Variants in SH3KBP1 observed in about 807,000 individuals in gnomAD.
SH3KBP1 encodes the protein SH3 domain containing kinase binding protein 1.
A neutral mutation model predicts 50.1 loss-of-function variants in SH3KBP1; 8 were observed. The ratio of observed to expected loss-of-function variants is 0.16; its 90% confidence interval spans 0.09 to 0.29. The LOEUF is 0.29. Ranked by LOEUF, SH3KBP1 falls within the 10% of genes least tolerant of loss-of-function variation. SH3KBP1 has a pLI of 1.00. For synonymous variants in SH3KBP1, 227 were observed against 218.6 expected (o/e 1.04, Z -0.34); for missense variants, 377 against 535.2 (o/e 0.70, Z 2.92).
chrX:19,769,075 A>ATT (rs36059368), intron 2 of SH3KBP1, among the ~76,000 whole-genome samples: 1,894 of 81,092 alleles, frequency 0.023, 96 homozygotes, highest in African/African-American at 0.086. Flanking sequence ...CTGCGTTATA[A>ATT]TTTTTTTTTT....
chrX:19,557,919 T>G (rs1397498237), intron 13 of SH3KBP1, among the ~76,000 whole-genome samples: 1 of 112,019 alleles, frequency 8.9e-6, no homozygotes, highest in Non-Finnish European at 1.9e-5. Context: ...AATGATAGCA[T>G]GGGGACCCAA....
intron 12 of SH3KBP1, among the ~76,000 whole-genome samples, chrX:19,585,115 C>T (rs758452629): frequency 8.9e-6 from 1 of 112,161 alleles, no homozygotes; most frequent in East Asian, 2.8e-4. Context: ...CATTAAGTAC[C>T]AAGGAACAAT....
intron 6 of SH3KBP1, among the ~76,000 whole-genome samples, chrX:19,666,889 G>T (rs768284677): frequency 1.8e-5 from 2 of 111,907 alleles, no homozygotes; most frequent in East Asian, 5.6e-4. Flanking sequence ...AACAAGTATT[G>T]GTATGCCAAT....
intron 8 of SH3KBP1, among the ~76,000 whole-genome samples, chrX:19,620,764 G>C (rs1364408128): frequency 1.8e-5 from 2 of 112,326 alleles, no homozygotes; most frequent in Non-Finnish European, 3.8e-5. Flanking sequence ...GAACACTGGG[G>C]CTTAGATGGC....
intron 12 of SH3KBP1, chrX:19,588,204 A>C: frequency 2.0e-6 from 1 of 492,742 alleles, no homozygotes. Flanking sequence ...AGCCTGGGCT[A>C]TGGAAAGAAG....
intron 6 of SH3KBP1, among the ~76,000 whole-genome samples, chrX:19,676,924 C>T (rs963303533): frequency 1.1e-4 from 12 of 112,360 alleles, no homozygotes; most frequent in Admixed American, 8.5e-4. Flanking sequence ...TGTCAGAAGT[C>T]ACTAACGGAA....
At chrX:19,750,576 C>T (rs1438136038) in intron 2 of SH3KBP1, among the ~76,000 whole-genome samples, 1 of 112,046 alleles carries the variant, frequency 8.9e-6, no homozygotes, top group Non-Finnish European at 1.9e-5. Context: ...GTACTTGCTT[C>T]TGACTAAAAA....
chrX:19,631,605 C>T (rs973716236), intron 8 of SH3KBP1, among the ~76,000 whole-genome samples: 2 of 112,842 alleles, frequency 1.8e-5, no homozygotes, highest in African/African-American at 6.4e-5. Context: ...TTGGGTTATT[C>T]CTTCTGGAAC....
intron 3 of SH3KBP1, among the ~76,000 whole-genome samples, chrX:19,734,959 T>A (rs2064501847): frequency 8.9e-6 from 1 of 112,318 alleles, no homozygotes; most frequent in Admixed American, 9.4e-5. Context: ...TTATGAATAA[T>A]GCTGCTATGA....
At chrX:19,603,495 G>A (rs943163661) in intron 9 of SH3KBP1, among the ~76,000 whole-genome samples, 1 of 111,958 alleles carries the variant, frequency 8.9e-6, no homozygotes, top group Non-Finnish European at 1.9e-5. Flanking sequence ...GGACATCTTC[G>A]AGGGCAGGTT....
At chrX:19,867,855 T>C (rs186512479) in intron 1 of SH3KBP1, among the ~76,000 whole-genome samples, 136 of 110,394 alleles carry the variant, frequency 1.2e-3, no homozygotes, top group African/African-American at 4.2e-3. Context: ...AAGTGACTGA[T>C]GAAAGAAAAA....
chrX:19,773,857 A>G (rs952129493), intron 2 of SH3KBP1, among the ~76,000 whole-genome samples: 101 of 63,451 alleles, frequency 1.6e-3, no homozygotes, highest in South Asian at 0.011. Flanking sequence ...CTCCGGCTCG[A>G]AAAAAAAAAA....
At chrX:19,549,906 G>A in intron 14 of SH3KBP1, 68 bp downstream of exon 14, 1 of 840,493 alleles carries the variant, frequency 1.2e-6, no homozygotes, top group Non-Finnish European at 1.7e-6. Context: ...CTTAGCTAGA[G>A]TTTCTAATCT....
intron 8 of SH3KBP1, among the ~76,000 whole-genome samples, chrX:19,628,143 C>T (rs2061497879): frequency 8.9e-6 from 1 of 112,083 alleles, no homozygotes; most frequent in African/African-American, 3.2e-5. Context: ...GTTTTCTTTC[C>T]AAATTCTTGC....
At chrX:19,719,849 CTAATAATAA>C (rs59706273) in intron 3 of SH3KBP1, among the ~76,000 whole-genome samples, 22 of 100,595 alleles carry the variant, frequency 2.2e-4, no homozygotes, top group African/African-American at 3.3e-4. Context: ...CCACCTCTAA[CTAATAATAA>C]TAATAATAAT....
At chrX:19,864,411 T>C (rs751260455) in intron 1 of SH3KBP1, among the ~76,000 whole-genome samples, 1 of 111,515 alleles carries the variant, frequency 9.0e-6, no homozygotes, top group African/African-American at 3.3e-5. Context: ...CAGCTGGCCT[T>C]ACAAAAGGAA....
At chrX:19,863,311 C>A (rs2068823653) in intron 1 of SH3KBP1, among the ~76,000 whole-genome samples, 1 of 111,300 alleles carries the variant, frequency 9.0e-6, no homozygotes, top group Admixed American at 9.5e-5. Flanking sequence ...AATCCTTCCA[C>A]CTCAGCCTCC....
chrX:19,634,083 T>C (rs2061643479), intron 7 of SH3KBP1, among the ~76,000 whole-genome samples: 1 of 86,648 alleles, frequency 1.2e-5, no homozygotes, highest in African/African-American at 5.1e-5. Flanking sequence ...TGTGTGTGTG[T>C]GTGTGTGTGT....
intron 6 of SH3KBP1, among the ~76,000 whole-genome samples, chrX:19,662,891 C>A (rs1233737406): frequency 2.8e-5 from 3 of 107,093 alleles, no homozygotes; most frequent in Non-Finnish European, 3.8e-5. Context: ...TTAAGATGAA[C>A]CTTTTTGTAG....
Sources: allele counts gnomAD v4.1 joint callset (sites outside exome capture counted in the v4.1 genomes callset), GRCh38; gene constraint gnomAD v4.1.1; transcripts MANE v1.5; gene names NCBI Gene and HGNC (gene_info 2026-07-23, HGNC 2026-07-21).